PLCB1: variants seen among roughly 807,000 people sequenced by gnomAD.
PLCB1 encodes 1-phosphatidylinositol 4,5-bisphosphate phosphodiesterase beta-1.
Under a neutral mutation model 161.8 loss-of-function variants are expected in PLCB1, and 46 were observed. The observed-to-expected ratio is 0.28, with a 90% CI of 0.22 to 0.36. The LOEUF is 0.36. Among genes scored for constraint, PLCB1 ranks in the 10% least tolerant of loss-of-function variants. The probability of loss-of-function intolerance (pLI) is 1.00; values close to 1 mark genes in which losing one functional copy is unlikely to be tolerated. For synonymous variants in PLCB1, 517 were observed against 503.7 expected, an observed-to-expected ratio of 1.03 and a Z score of -0.35; for missense variants, 1,016 against 1,472.5, an observed-to-expected ratio of 0.69 and a Z score of 5.07.
chr20:8,851,980 C>T (rs979835961), intron 31 of PLCB1, among the ~76,000 whole-genome samples: 1 of 152,134 alleles, frequency 6.6e-6, no homozygotes, highest in Admixed American at 6.5e-5. Context: ...GTGGTGTATT[C>T]ACATACTTTA....
At chr20:8,133,846 A>T (rs1238053044) in intron 1 of PLCB1, among the ~76,000 whole-genome samples, 1 of 152,170 alleles carries the variant, frequency 6.6e-6, no homozygotes, top group Non-Finnish European at 1.5e-5. Flanking sequence ...TGCCGAAAAG[A>T]TTTTCCACCT....
intron 14 of PLCB1, among the ~76,000 whole-genome samples, chr20:8,720,196 T>C (rs1979549751): frequency 6.6e-6 from 1 of 152,218 alleles, no homozygotes; most frequent in African/African-American, 2.4e-5. Flanking sequence ...ATGTGGGTGC[T>C]TGTGTTTTTT....
intron 3 of PLCB1, among the ~76,000 whole-genome samples, chr20:8,450,116 G>T (rs1246276703): frequency 6.6e-6 from 1 of 152,108 alleles, no homozygotes; most frequent in Non-Finnish European, 1.5e-5. Context: ...TAATGATTTA[G>T]CATGACTATT....
chr20:8,637,405 AG>A (rs1988795105), intron 4 of PLCB1, among the ~76,000 whole-genome samples: 1 of 152,262 alleles, frequency 6.6e-6, no homozygotes, highest in African/African-American at 2.4e-5. Context: ...AGATATTACA[AG>A]AAAATATCTG....
chr20:8,199,471 A>G (rs560057465), intron 2 of PLCB1, among the ~76,000 whole-genome samples: 2 of 152,222 alleles, frequency 1.3e-5, no homozygotes, highest in Admixed American at 6.5e-5. Context: ...TGTTTGCCGA[A>G]ATAAATCTTT....
chr20:8,535,019 T>A (rs1349264083), intron 3 of PLCB1, among the ~76,000 whole-genome samples: 1 of 150,434 alleles, frequency 6.6e-6, no homozygotes, highest in Non-Finnish European at 1.5e-5. Context: ...AAAACAACAG[T>A]CTAGAAAGAT....
intron 29 of PLCB1, among the ~76,000 whole-genome samples, chr20:8,788,926 A>G (rs567068946): frequency 1.1e-4 from 17 of 152,330 alleles, no homozygotes; most frequent in African/African-American, 4.1e-4. Context: ...AGGCACACCC[A>G]GGGCCTTTTA....
chr20:8,326,061 A>G (rs1259008824), intron 2 of PLCB1, among the ~76,000 whole-genome samples: 1 of 152,180 alleles, frequency 6.6e-6, no homozygotes, highest in Non-Finnish European at 1.5e-5. Context: ...GATTCTTTTA[A>G]AAGAGATTTA....
At chr20:8,692,294 T>TTGG (rs1249874838) in intron 10 of PLCB1, among the ~76,000 whole-genome samples, 1 of 152,140 alleles carries the variant, frequency 6.6e-6, no homozygotes, top group Non-Finnish European at 1.5e-5. Context: ...AACCCAGACT[T>TTGG]TGAGCACCCC....
chr20:8,270,758 G>A (rs1050461336), intron 2 of PLCB1, among the ~76,000 whole-genome samples: 16 of 152,004 alleles, frequency 1.1e-4, no homozygotes, highest in African/African-American at 3.6e-4. Context: ...TAAATCCAAT[G>A]TTTCCTCTTC....
rs1988102603 is a variant in PLCB1, at chr20:8,884,432, C to T, written c.*2583C>T. ...AGACTGTGTCTCTCTGATACCTTTA[C>T]ACTACTGAGAATAGCATGGTTTTGG... is the stretch of plus-strand genomic sequence containing the variant. On this transcript the variant is annotated 3_prime_UTR_variant, in exon 32 of 32. Transcript: ENST00000338037. The T allele has an allele frequency of 1.3e-5, 2 of 152,564 alleles. No homozygotes were observed. The highest frequency in any genetic ancestry group is 1.3e-4 in the Admixed American group (2 of 15,270). The allele number at this position is 152,564 out of a possible 1,614,324, so 9.5% of individuals were successfully genotyped here.
chr20:8,499,317 C>T (rs555600533), intron 3 of PLCB1, among the ~76,000 whole-genome samples: 59 of 152,288 alleles, frequency 3.9e-4, no homozygotes, highest in African/African-American at 1.1e-3. Context: ...GTACATTCCA[C>T]GGAACAATGC....
At chr20:8,414,933 A>AT (rs1300274261) in intron 3 of PLCB1, among the ~76,000 whole-genome samples, 1 of 152,114 alleles carries the variant, frequency 6.6e-6, no homozygotes, top group Non-Finnish European at 1.5e-5. Flanking sequence ...CAGAATATGC[A>AT]TTTTAACAAG....
chr20:8,771,860 G>A (rs189918416), intron 26 of PLCB1, among the ~76,000 whole-genome samples: 331 of 18,656 alleles, frequency 0.018, 5 homozygotes, highest in Middle Eastern at 0.11. Context: ...CATTGAATTT[G>A]TTTCCTTCCT....
intron 31 of PLCB1, among the ~76,000 whole-genome samples, chr20:8,873,563 A>T (rs184107538): frequency 3.2e-4 from 49 of 152,200 alleles, no homozygotes; most frequent in South Asian, 1.2e-3. Flanking sequence ...CATTACCATA[A>T]AAGTGAGAAA....
Position 8,577,539 on chromosome 20 carries a change from G to A in PLCB1, c.247-50755G>A, listed in dbSNP as rs57260099. Among the ~76,000 whole-genome samples, 707 of 151,812 alleles carry A rather than the reference G, an allele frequency of 4.7e-3. 6 individuals are homozygous for A. The highest frequency in any genetic ancestry group is 0.013 in the African/African-American group (552 of 41,386). Reference sequence around the variant, plus strand: ...CTTCTAACTTAAGCAATCTTAACTGGCAAAACTAAAAAATCAAAATATTAA... The same window carrying A: ...CTTCTAACTTAAGCAATCTTAACTGACAAAACTAAAAAATCAAAATATTAA... On this transcript the variant is annotated intron_variant, in intron 3 of 31. Transcript: ENST00000338037.
chr20:8,547,781 A>C (rs112679775), intron 3 of PLCB1, among the ~76,000 whole-genome samples: 1,554 of 152,310 alleles, frequency 0.01, 31 homozygotes, highest in African/African-American at 0.036. Flanking sequence ...AGTGAGTCCT[A>C]GGTTTAAAAA....
chr20:8,819,186 C>G (rs1336434540), intron 31 of PLCB1, among the ~76,000 whole-genome samples: 1 of 152,062 alleles, frequency 6.6e-6, no homozygotes. Flanking sequence ...AACATTGGCA[C>G]AAATATGTGA....
In PLCB1 at chr20:8,319,347, C is replaced by T. The variant is rs561180972; in HGVS notation, c.178-52035C>T. Among the ~76,000 whole-genome samples, 4 of 152,132 alleles carry T rather than the reference C, an allele frequency of 2.6e-5. No individual in the cohort carries two copies. The South Asian group carries it at 8.3e-4, about 32-fold the overall frequency. Reference sequence around the variant, plus strand: ...TGGGCTGGCTCACTCATATGTCTGGCGAGTAGCTGACTTCTGTGATGGGGT... The same window carrying T: ...TGGGCTGGCTCACTCATATGTCTGGTGAGTAGCTGACTTCTGTGATGGGGT... On this transcript the variant is annotated intron_variant, in intron 2 of 31. Coordinates refer to ENST00000338037, the MANE Select transcript of PLCB1 (RefSeq NM_015192.4).
Sources: gnomAD v4.1 joint callset for allele counts (sites outside exome capture counted in the v4.1 genomes callset) on GRCh38, gnomAD v4.1.1 for gene constraint, MANE v1.5 for transcripts, NCBI Gene and HGNC (gene_info 2026-07-23, HGNC 2026-07-21) for gene names.